Variants in HEXB observed in about 807,000 individuals in gnomAD.
HEXB encodes hexosaminidase subunit beta, also known as beta-hexosaminidase subunit beta.
A neutral mutation model predicts 71.2 loss-of-function variants in HEXB; 51 were observed. The observed-to-expected ratio is 0.72, with a 90% CI of 0.57 to 0.90. The LOEUF is 0.90. Ranked by LOEUF, HEXB falls within the 40% of genes least tolerant of loss-of-function variation. The probability of loss-of-function intolerance (pLI) is 0.00; values close to 1 mark genes in which losing one functional copy is unlikely to be tolerated. For synonymous variants in HEXB, 266 were observed against 249.3 expected (o/e 1.07, Z -0.63); for missense variants, 617 against 677.0 (o/e 0.91, Z 0.98).
Position 74,685,331 on chromosome 5 carries a change from C to CGGCGATGTT in HEXB, c.76_84dup (p.Met26_Ala28dup). ...GCGCTGCTGTTGGCGACACTGCTGG[C>CGGCGATGTT]GGCGATGTTGGCGCTGCTGACTCAG... On this transcript the variant is annotated inframe_insertion, in exon 1 of 14. Transcript: ENST00000261416. 1.3e-6 allele frequency: 2 copies of CGGCGATGTT among 1,576,852 alleles called. No homozygotes were observed. Among genetic ancestry groups the CGGCGATGTT allele is most frequent in the Non-Finnish European group, 1.7e-6 (2 of 1,163,522 alleles).
chr5:74,687,197 A>G (rs1326120328), intron 1 of HEXB, among the ~76,000 whole-genome samples: 1 of 152,248 alleles, frequency 6.6e-6, no homozygotes, highest in Admixed American at 6.5e-5. Context: ...ACTTGAAGGC[A>G]TGCATGTGAG....
At chr5:74,701,161 G>T (rs1053383351) in intron 5 of HEXB, among the ~76,000 whole-genome samples, 1 of 151,922 alleles carries the variant, frequency 6.6e-6, no homozygotes, top group African/African-American at 2.4e-5. Flanking sequence ...GGGATTACAG[G>T]CATAAGCCAC....
intron 2 of HEXB, among the ~76,000 whole-genome samples, chr5:74,692,663 C>T (rs1029792219): frequency 1.3e-5 from 2 of 152,228 alleles, no homozygotes; most frequent in Non-Finnish European, 2.9e-5. Flanking sequence ...TGATAGAGCA[C>T]TTTTGCCTAC....
At chr5:74,714,925 T>C (rs1222386546) in intron 7 of HEXB, among the ~76,000 whole-genome samples, 1 of 152,118 alleles carries the variant, frequency 6.6e-6, no homozygotes, top group Non-Finnish European at 1.5e-5. Context: ...AACCACACTT[T>C]GGGAAAACCT....
chr5:74,693,630 TC>T lies in HEXB; in HGVS notation c.446-8del. ...AAAGTGTGTGTGTGATTTTAAATCCTCAATACAGATACTTTACTTGTGAAAG... is the reference window on the plus strand; with the variant it reads ...AAAGTGTGTGTGTGATTTTAAATCCTAATACAGATACTTTACTTGTGAAAG... On this transcript the variant is annotated splice_polypyrimidine_tract_variant and splice_region_variant and intron_variant, in intron 2 of 13. Transcript: ENST00000261416. 1 of 1,600,358 alleles carries T rather than the reference TC, an allele frequency of 6.2e-7. No homozygotes were observed.
At chr5:74,663,928 C>T (rs1429496488) in intron 1 of HEXB, among the ~76,000 whole-genome samples, 2 of 151,784 alleles carry the variant, frequency 1.3e-5, no homozygotes, top group Non-Finnish European at 1.5e-5. Flanking sequence ...GATTTCAAGA[C>T]CAGCCTGGGC....
chr5:74,650,050 G>A (rs888149661), intron 1 of HEXB, among the ~76,000 whole-genome samples: 1 of 152,218 alleles, frequency 6.6e-6, no homozygotes, highest in South Asian at 2.1e-4. Flanking sequence ...GAAAATGAAG[G>A]AAGTGTTTAA....
intron 1 of HEXB, among the ~76,000 whole-genome samples, chr5:74,644,979 C>A (rs1422689622): frequency 6.6e-6 from 1 of 151,812 alleles, no homozygotes; most frequent in Non-Finnish European, 1.5e-5. Context: ...ATCATGTTGA[C>A]CAAGCTGGTC....
chr5:74,666,459 C>A (rs1487916968), intron 1 of HEXB, among the ~76,000 whole-genome samples: 2 of 152,232 alleles, frequency 1.3e-5, no homozygotes, highest in African/African-American at 4.8e-5. Flanking sequence ...TTGTCATTGT[C>A]TGCAAGCTGG....
chr5:74,679,333 A>G (rs1748694648), intron 1 of HEXB, among the ~76,000 whole-genome samples: 1 of 152,176 alleles, frequency 6.6e-6, no homozygotes, highest in African/African-American at 2.4e-5. Flanking sequence ...TATTATTGGA[A>G]ACTGGAGAAA....
chr5:74,668,267 C>A (rs1214142020), intron 1 of HEXB, among the ~76,000 whole-genome samples: 8 of 149,150 alleles, frequency 5.4e-5, no homozygotes, highest in Admixed American at 6.7e-5. Flanking sequence ...TGTTTCTCAG[C>A]ACCTTTGTTC....
At position 74,720,461 on chromosome 5, in the gene HEXB, G is replaced by C. The variant is rs1257033011; in HGVS notation, c.1451G>C (p.Gly484Ala). The C allele has an allele frequency of 3.1e-6, 5 of 1,613,428 alleles. No homozygotes were observed. The highest frequency in any genetic ancestry group is 3.4e-6 in the Non-Finnish European group (4 of 1,179,450). ...TQKQKQLFIG[G>A]EACLWGEYVD... Reference sequence around the variant, plus strand: ...AAACAGAAACAACTTTTCATTGGTGGAGAAGCTTGTCTATGGGGAGAATAT... The same window carrying C: ...AAACAGAAACAACTTTTCATTGGTGCAGAAGCTTGTCTATGGGGAGAATAT... Residue 484 changes from glycine to alanine, a missense_variant, in exon 12 of 14, where the codon GGA (glycine) becomes GCA (alanine). Gly to Ala is a moderately conservative substitution (Grantham distance 60, BLOSUM62 0). Transcript: ENST00000261416.
chr5:74,706,653 C>G (rs377155315), intron 6 of HEXB, among the ~76,000 whole-genome samples: 2 of 152,226 alleles, frequency 1.3e-5, no homozygotes, highest in East Asian at 1.9e-4. Context: ...TATCCTGCAC[C>G]TGGCTCGGAG....
At chr5:74,684,019 C>T (rs1022014530), upstream of HEXB, among the ~76,000 whole-genome samples, 3 of 152,134 alleles carry the variant, frequency 2.0e-5, no homozygotes, top group Admixed American at 2.0e-4. Context: ...CGGGGTTTCA[C>T]TTTGGTGGCC....
chr5:74,654,346 C>T (rs983306945), intron 1 of HEXB, among the ~76,000 whole-genome samples: 11 of 152,138 alleles, frequency 7.2e-5, no homozygotes, highest in East Asian at 1.9e-4. Context: ...CAGGTGATGC[C>T]GACACTGCTG....
At chr5:74,686,607 G>C (rs1471289644) in intron 1 of HEXB, among the ~76,000 whole-genome samples, 1 of 152,222 alleles carries the variant, frequency 6.6e-6, no homozygotes, top group Non-Finnish European at 1.5e-5. Flanking sequence ...GCTGATGGCA[G>C]AAATGGTTCA....
intron 1 of HEXB, among the ~76,000 whole-genome samples, chr5:74,668,504 T>C (rs1334107302): frequency 2.6e-5 from 4 of 152,164 alleles, no homozygotes; most frequent in African/African-American, 9.7e-5. Flanking sequence ...ATCCTGACTC[T>C]CAGACTTCCT....
At position 74,721,241 on chromosome 5, in the gene HEXB, AATAAGAT is replaced by A; in HGVS notation, c.*69_*75del. 1 of 1,236,692 alleles carries A rather than the reference AATAAGAT, an allele frequency of 8.1e-7. No individual in the cohort carries two copies. Among genetic ancestry groups the A allele is most frequent in the Non-Finnish European group, 1.2e-6 (1 of 837,870 alleles). 76.6% of individuals were successfully genotyped at this position (1,236,692 alleles called of 1,614,324 possible). On this transcript the variant is annotated 3_prime_UTR_variant, in exon 14 of 14. Transcript: ENST00000261416. ...TCAACTTTATTTTGAAATCATGTAA[AATAAGAT>A]ATTAGACTGTTTTTTGAATAAAATA...
At position 74,689,484 on chromosome 5, in the gene HEXB, A is replaced by G. The variant is rs1748947583; in HGVS notation, c.445+11A>G. ...CTTCAGATGAGTCTTGTAAGTACCT[A>G]TGCAATGTGAGTGTATTATATCCCA... On this transcript the variant is annotated intron_variant, in intron 2 of 13. Transcript: ENST00000261416. 2.5e-6 allele frequency: 4 copies of G among 1,610,818 alleles called. No homozygotes were observed. The highest frequency in any genetic ancestry group is 1.7e-5 in the Admixed American group (1 of 59,996).
Sources: allele counts gnomAD v4.1 joint callset (sites outside exome capture counted in the v4.1 genomes callset), GRCh38; gene constraint gnomAD v4.1.1; transcripts MANE v1.5; gene names NCBI Gene and HGNC (gene_info 2026-07-23, HGNC 2026-07-21).